Variants in KCTD1 observed in about 807,000 individuals in gnomAD.
KCTD1 encodes the protein potassium channel tetramerization domain containing 1.
A neutral mutation model predicts 66.0 loss-of-function variants in KCTD1; 24 were observed. The ratio of observed to expected loss-of-function variants is 0.36; its 90% CI spans 0.26 to 0.51. The LOEUF (loss-of-function observed/expected upper bound fraction) is 0.51, where lower values mean the gene tolerates loss of function less well. KCTD1 is among the 20% of genes least tolerant of loss of function. The pLI is 0.95. For missense variants in KCTD1, 943 were observed against 1,205.2 expected (o/e 0.78, Z 3.22); for synonymous variants, 511 against 517.2 (o/e 0.99, Z 0.16).
chr18:26,560,887 C>T (rs1985831249), intron 1 of KCTD1, among the ~76,000 whole-genome samples: 1 of 152,162 alleles, frequency 6.6e-6, no homozygotes, highest in Admixed American at 6.6e-5. Flanking sequence ...TGGGAAAATG[C>T]ACATCCCTTT....
chr18:26,596,991 G>C (rs1381329194), intron 1 of KCTD1, among the ~76,000 whole-genome samples: 1 of 151,640 alleles, frequency 6.6e-6, no homozygotes, highest in Non-Finnish European at 1.5e-5. Context: ...CTAGAGCAGA[G>C]CCAAGTGGTC....
rs116885824 is a variant in KCTD1 at position 26,654,168 on chromosome 18, G to A, written c.9+3192C>T. ...GTTATTGCTAAATGCAGAGCTAAAT[G>A]GAAGTTTAAGAAAGTTCTCTGATAA... On this transcript the variant is annotated intron_variant, in intron 1 of 4. Coordinates refer to the KCTD1 transcript ENST00000580191. 1.4e-3 allele frequency among the ~76,000 whole-genome samples: 214 copies of A among 152,272 alleles called. 3 individuals carry two copies. In the East Asian group the frequency reaches 0.037, roughly 27 times the overall value.
At position 26,618,085 on chromosome 18, in the gene KCTD1, A is replaced by G. The variant is rs1206876418; in HGVS notation, c.-16+11062T>C. On this transcript the variant is annotated intron_variant, in intron 1 of 4. Transcript: ENST00000317932. ...AAAATGCTGAACTTGGGTAAATAAG[A>G]AGACCTAGGTTTAAAAAAAAACAAA... Among the ~76,000 whole-genome samples, 3 of 151,436 alleles carry G rather than the reference A, an allele frequency of 2.0e-5. No individual in the cohort carries two copies. In the East Asian group the frequency reaches 5.8e-4, roughly 29 times the overall value.
chr18:26,489,272 TATA>T lies in KCTD1; in HGVS notation c.1988+11797_1988+11799del, dbSNP rs1052137277. Among the ~76,000 whole-genome samples the T allele has an allele frequency of 5.9e-5, 9 of 152,330 alleles. No individual in the cohort carries two copies. The South Asian group carries it at 8.3e-4, about 14-fold the overall frequency. ...AAATGGTATTTTTATACGCGACTTA[TATA>T]ATAATAATAGACTGAACTGTCTGGT... On this transcript the variant is annotated intron_variant, in intron 2 of 4. Coordinates refer to ENST00000580059, the MANE Select transcript of KCTD1 (RefSeq NM_001142730.3).
chr18:26,455,810 C>G lies in KCTD1; in HGVS notation c.2531G>C (p.Arg844Pro). The change falls in exon 5 of 5, where the codon CGG becomes CCG. Residue 844 changes from arginine to proline, a missense_variant. Coordinates refer to ENST00000580059, the MANE Select transcript of KCTD1 (RefSeq NM_001142730.3). ...DSSQFSEYVLRRELRRTPRVP... is the reference protein window; with the variant it reads ...DSSQFSEYVLPRELRRTPRVP... ...ACGGGGCGTCCGCCTCAGTTCCCGC[C>G]GAAGGACGTATTCGCTGAACTGGGA... 6.2e-7 allele frequency: 1 copy of G among 1,614,150 alleles called. No individual in the cohort carries two copies. The highest frequency in any genetic ancestry group is 8.5e-7 in the Non-Finnish European group (1 of 1,180,038).
chr18:26,459,754 T>C lies in KCTD1; in HGVS notation c.2305A>G (p.Lys769Glu). ...GGAAATACTTCTTCTATCAAGGATT[T>C]GTCACCGCTTAGCGTGATCCTTTCT... ...LGERITLSGD[K>E]SLIEEVFPEI... The change falls in exon 4 of 5, where the codon AAA becomes GAA. Residue 769 changes from lysine to glutamate, a missense_variant. Lys to Glu is a moderately conservative substitution (Grantham distance 56). Coordinates refer to ENST00000580059, the MANE Select transcript of KCTD1 (RefSeq NM_001142730.3). 1.2e-6 allele frequency: 2 copies of C among 1,614,188 alleles called. No individual in the cohort carries two copies. The highest frequency in any genetic ancestry group is 8.5e-7 in the Non-Finnish European group (1 of 1,180,024).
chr18:26,602,105 G>A (rs922518535), intron 1 of KCTD1, among the ~76,000 whole-genome samples: 15 of 152,166 alleles, frequency 9.9e-5, no homozygotes, highest in African/African-American at 3.6e-4. Context: ...TCACAATTAA[G>A]TATGATGTTA....
upstream of KCTD1, among the ~76,000 whole-genome samples, chr18:26,632,139 C>T (rs969714308): frequency 1.1e-4 from 17 of 151,882 alleles, no homozygotes; most frequent in African/African-American, 3.9e-4. Flanking sequence ...AATCCCCGCA[C>T]TTTGGGAGGC....
chr18:26,597,428 T>C (rs1986791734), intron 1 of KCTD1, among the ~76,000 whole-genome samples: 1 of 152,126 alleles, frequency 6.6e-6, no homozygotes, highest in Admixed American at 6.5e-5. Context: ...TCCTGTATCA[T>C]ATAGGATGGA....
intron 2 of KCTD1, among the ~76,000 whole-genome samples, chr18:26,488,735 A>G (rs924743377): frequency 5.9e-5 from 9 of 152,236 alleles, no homozygotes; most frequent in Non-Finnish European, 1.0e-4. Context: ...GTTGCATAAG[A>G]ATAAAAATAA....
At chr18:26,627,886 G>C (rs1300617421) in intron 1 of KCTD1, among the ~76,000 whole-genome samples, 1 of 152,158 alleles carries the variant, frequency 6.6e-6, no homozygotes, top group African/African-American at 2.4e-5. Flanking sequence ...GAATCCACCT[G>C]GTTCTTGCTG....
intron 1 of KCTD1, among the ~76,000 whole-genome samples, chr18:26,570,505 C>A (rs1986082988): frequency 6.6e-6 from 1 of 152,082 alleles, no homozygotes; most frequent in Non-Finnish European, 1.5e-5. Context: ...ACCTCCAGGG[C>A]TCAAGCTATA....
chr18:26,642,674 G>A (rs1987854248), upstream of KCTD1, among the ~76,000 whole-genome samples: 1 of 152,212 alleles, frequency 6.6e-6, no homozygotes, highest in African/African-American at 2.4e-5. Flanking sequence ...GACAGGCAGA[G>A]ATTACATTTG....
chr18:26,603,751 A>AAAAT (rs71266966), intron 1 of KCTD1, among the ~76,000 whole-genome samples: 38,735 of 146,654 alleles, frequency 0.26, 5,969 homozygotes, highest in African/African-American at 0.4. Flanking sequence ...TCAAAAAAAT[A>AAAAT]AAATAAATAA....
chr18:26,546,489 G>A (rs958479931), intron 1 of KCTD1, among the ~76,000 whole-genome samples: 2 of 152,088 alleles, frequency 1.3e-5, no homozygotes, highest in Non-Finnish European at 2.9e-5. Flanking sequence ...GAAGTTTTTC[G>A]CCTTACTGCA....
intron 1 of KCTD1, among the ~76,000 whole-genome samples, chr18:26,506,645 A>G (rs899302085): frequency 2.0e-5 from 3 of 152,244 alleles, no homozygotes; most frequent in African/African-American, 7.2e-5. Flanking sequence ...GATAATTTAC[A>G]ATGAAAAAAT....
At chr18:26,560,799 C>A (rs183517079) in intron 1 of KCTD1, among the ~76,000 whole-genome samples, 4 of 152,312 alleles carry the variant, frequency 2.6e-5, no homozygotes, top group South Asian at 2.1e-4. Context: ...GAAACAACCA[C>A]GTGGGTGTAG....
intron 2 of KCTD1, among the ~76,000 whole-genome samples, chr18:26,483,846 G>A (rs1981779350): frequency 6.6e-6 from 1 of 152,272 alleles, no homozygotes; most frequent in African/African-American, 2.4e-5. Context: ...AGGAGTCGTG[G>A]AGAGAGGAGA....
intron 1 of KCTD1, among the ~76,000 whole-genome samples, chr18:26,558,707 A>G (rs1439283273): frequency 6.6e-6 from 1 of 152,138 alleles, no homozygotes; most frequent in African/African-American, 2.4e-5. Context: ...GCGGATCACG[A>G]GGTCAAGAGA....
Sources: allele counts gnomAD v4.1 joint callset (sites outside exome capture counted in the v4.1 genomes callset), GRCh38; gene constraint gnomAD v4.1.1; transcripts MANE v1.5; gene names NCBI Gene and HGNC (gene_info 2026-07-23, HGNC 2026-07-21).